The following UNC5C variants were observed in gnomAD, a reference collection of about 807,000 sequenced individuals.
The protein encoded by UNC5C is unc-5 netrin receptor C.
A neutral mutation model predicts 99.8 loss-of-function variants in UNC5C; 47 were observed. The ratio of observed to expected loss-of-function variants is 0.47; its 90% confidence interval spans 0.37 to 0.60. The LOEUF is 0.60. Among genes scored for constraint, UNC5C ranks in the 20% least tolerant of loss-of-function variants. UNC5C has a pLI of 0.00. For synonymous variants in UNC5C, 487 were observed against 452.2 expected, an observed-to-expected ratio of 1.08 and a Z score of -0.98; for missense variants, 1,062 against 1,165.9, an observed-to-expected ratio of 0.91 and a Z score of 1.30.
chr4:95,260,214 G>T (rs796521921), intron 4 of UNC5C, among the ~76,000 whole-genome samples: 2 of 152,166 alleles, frequency 1.3e-5, no homozygotes, highest in Middle Eastern at 6.8e-3. Context: ...TTTTAAAAAC[G>T]AATAATTGCC....
chr4:95,223,390 T>C (rs1321039452), intron 7 of UNC5C, among the ~76,000 whole-genome samples: 6 of 152,224 alleles, frequency 3.9e-5, no homozygotes, highest in African/African-American at 9.6e-5. Flanking sequence ...CACAATTAAC[T>C]GGTTCAAAAT....
intron 3 of UNC5C, among the ~76,000 whole-genome samples, chr4:95,299,627 G>A (rs192154395): frequency 3.7e-4 from 56 of 152,248 alleles, no homozygotes; most frequent in South Asian, 6.2e-4. Context: ...ACAGGGCTGC[G>A]GAGGCCTCAT....
At position 95,169,283 on chromosome 4, in the gene UNC5C, A is replaced by G; in HGVS notation, c.2747T>C (p.Met916Thr). ...GGACACCACCGTTTCATGTCTTCCC[A>G]TTTCTTCCAAGACAGCTGCCAGCAT... Reference protein sequence around the residue: ...LSMLAAVLEEMGRHETVVSLA... With the variant: ...LSMLAAVLEETGRHETVVSLA... The change falls in exon 16 of 16, where the codon ATG becomes ACG. Residue 916 changes from methionine (M) to threonine (T), a missense_variant. Around this residue, in one of 3 missense-constraint regions of UNC5C, gnomAD observed 810 missense variants for 854.5 expected, o/e 0.95. Transcript: ENST00000453304. The G allele has an allele frequency of 6.2e-7, 1 of 1,613,802 alleles. No individual in the cohort carries two copies. The highest frequency in any genetic ancestry group is 1.7e-5 in the Admixed American group (1 of 59,980).
Position 95,182,961 on chromosome 4 carries a change from T to G in UNC5C, c.2387A>C (p.Lys796Thr). The change falls in exon 14 of 16, where the codon AAA (lysine) becomes ACA (threonine). Residue 796 changes from lysine (K) to threonine (T), a missense_variant. Lys to Thr is a moderately conservative substitution (Grantham distance 78). Coordinates refer to ENST00000453304, the MANE Select transcript of UNC5C (RefSeq NM_003728.4). ...TCCTTCCACCTGCCGCACACAGAGT[T>G]TGCAAACCAGCTCCACTGTGTTCAG... ...FSLNTVELVCKLCVRQVEGEG... is the reference protein window; with the variant it reads ...FSLNTVELVCTLCVRQVEGEG... 1 of 1,613,966 alleles carries G rather than the reference T, an allele frequency of 6.2e-7. No homozygotes were observed. The highest frequency in any genetic ancestry group is 1.1e-5 in the South Asian group (1 of 91,060).
At chr4:95,263,371 C>CA (rs1740318391) in intron 4 of UNC5C, among the ~76,000 whole-genome samples, 2 of 152,154 alleles carry the variant, frequency 1.3e-5, no homozygotes, top group Middle Eastern at 3.4e-3. Context: ...GATATGCTAG[C>CA]AAAAATTTTA....
chr4:95,449,365 C>T (rs1747216561), intron 1 of UNC5C, among the ~76,000 whole-genome samples: 1 of 152,132 alleles, frequency 6.6e-6, no homozygotes. Context: ...ATCACGGACA[C>T]TTATGGATTG....
At chr4:95,341,068 GA>G (rs538326485) in intron 1 of UNC5C, among the ~76,000 whole-genome samples, 7 of 152,104 alleles carry the variant, frequency 4.6e-5, no homozygotes, top group Non-Finnish European at 7.4e-5. Context: ...GGGTATCACA[GA>G]AGATAGAATT....
chr4:95,295,536 T>G (rs1741642112), intron 3 of UNC5C, among the ~76,000 whole-genome samples: 1 of 152,218 alleles, frequency 6.6e-6, no homozygotes, highest in Admixed American at 6.5e-5. Context: ...AATACATAAA[T>G]TAATAGTCAA....
intron 1 of UNC5C, among the ~76,000 whole-genome samples, chr4:95,391,747 C>T (rs1745364650): frequency 7.2e-6 from 1 of 139,510 alleles, no homozygotes; most frequent in African/African-American, 2.7e-5. Context: ...TGAGCTTTGT[C>T]CTTTCATGGT....
chr4:95,317,732 C>A (rs1022285810), intron 2 of UNC5C, among the ~76,000 whole-genome samples: 1 of 152,142 alleles, frequency 6.6e-6, no homozygotes, highest in Non-Finnish European at 1.5e-5. Flanking sequence ...GTAAAGAACA[C>A]TAGGGAATGC....
At chr4:95,398,158 A>G (rs561194680) in intron 1 of UNC5C, among the ~76,000 whole-genome samples, 1 of 151,844 alleles carries the variant, frequency 6.6e-6, no homozygotes, top group Non-Finnish European at 1.5e-5. Flanking sequence ...ATGAAAACAC[A>G]GGATTCCATG....
At chr4:95,188,864 T>C (rs1348833166) in intron 12 of UNC5C, among the ~76,000 whole-genome samples, 4 of 152,192 alleles carry the variant, frequency 2.6e-5, no homozygotes, top group Non-Finnish European at 4.4e-5. Context: ...TTTAAACTGC[T>C]AATGGGCTAA....
chr4:95,495,771 A>G (rs1284440827), intron 1 of UNC5C, among the ~76,000 whole-genome samples: 1 of 151,698 alleles, frequency 6.6e-6, no homozygotes, highest in East Asian at 1.9e-4. Context: ...TATCATCCTC[A>G]TTTTAAAATT....
At chr4:95,261,758 C>T (rs1042108547) in intron 4 of UNC5C, among the ~76,000 whole-genome samples, 1 of 149,608 alleles carries the variant, frequency 6.7e-6, no homozygotes, top group South Asian at 2.1e-4. Context: ...GGCTGGAGTG[C>T]GGTGGCGCGA....
At chr4:95,394,456 C>T (rs1195220674) in intron 1 of UNC5C, among the ~76,000 whole-genome samples, 1 of 152,158 alleles carries the variant, frequency 6.6e-6, no homozygotes, top group Non-Finnish European at 1.5e-5. Context: ...ACTGGAGTAA[C>T]TAAACAGAGT....
intron 14 of UNC5C, among the ~76,000 whole-genome samples, chr4:95,181,595 T>C (rs546516764): frequency 9.9e-5 from 15 of 152,256 alleles, no homozygotes; most frequent in Non-Finnish European, 2.9e-5. Context: ...GGGGTGGTGC[T>C]GTGTGCCTGG....
chr4:95,506,999 T>C (rs370886795), intron 1 of UNC5C, among the ~76,000 whole-genome samples: 1 of 151,812 alleles, frequency 6.6e-6, no homozygotes, highest in East Asian at 1.9e-4. Flanking sequence ...GAAACACACA[T>C]ATACACTAAA....
chr4:95,324,352 T>G (rs1277392232), intron 2 of UNC5C, among the ~76,000 whole-genome samples: 1 of 152,192 alleles, frequency 6.6e-6, no homozygotes, highest in Admixed American at 6.5e-5. Flanking sequence ...CACCCCCAGA[T>G]AGGACTGTTG....
chr4:95,372,908 A>G (rs1389074771), intron 1 of UNC5C, among the ~76,000 whole-genome samples: 1 of 152,168 alleles, frequency 6.6e-6, no homozygotes, highest in East Asian at 1.9e-4. Context: ...CTAGGTCCTG[A>G]TCAGGAAGAA....
Sources: allele counts gnomAD v4.1 joint callset (sites outside exome capture counted in the v4.1 genomes callset), GRCh38; gene constraint gnomAD v4.1.1; regional missense constraint gnomAD v4.1.1; transcripts MANE v1.5; gene names NCBI Gene and HGNC (gene_info 2026-07-23, HGNC 2026-07-21).